The following PIEZO1 variants were observed in gnomAD, a reference collection of about 807,000 sequenced individuals.
PIEZO1 encodes the protein piezo type mechanosensitive ion channel component 1 (Er blood group).
In PIEZO1, 296 loss-of-function variants were observed where a neutral mutation model predicts 297.2. The observed-to-expected ratio is 1.00, with a 90% CI of 0.91 to 1.10. The LOEUF is 1.10. Ranked by LOEUF, PIEZO1 falls within the 50% of genes least tolerant of loss-of-function variation. The pLI is 0.00. For synonymous variants in PIEZO1, 2,427 were observed against 1,507.5 expected, an observed-to-expected ratio of 1.61 and a Z score of -14.13; for missense variants, 5,018 against 3,455.5, an observed-to-expected ratio of 1.45 and a Z score of -11.34.
At chr16:88,762,106 C>T (rs961207541) in intron 1 of PIEZO1, among the ~76,000 whole-genome samples, 1 of 152,288 alleles carries the variant, frequency 6.6e-6, no homozygotes, top group South Asian at 2.1e-4. Flanking sequence ...GACGCAGGTC[C>T]CGGAATGTCT....
intron 2 of PIEZO1, among the ~76,000 whole-genome samples, chr16:88,745,905 C>T (rs1469349808): frequency 1.3e-5 from 2 of 152,196 alleles, no homozygotes; most frequent in Non-Finnish European, 2.9e-5. Context: ...GACCCCGGCA[C>T]GGCCTGCAAA....
At position 88,733,605 on chromosome 16, in the gene PIEZO1, A is replaced by G; in HGVS notation, c.2470T>C (p.Trp824Arg). The change falls in exon 18 of 51, where the codon TGG becomes CGG. Residue 824 changes from tryptophan (W) to arginine (R), a missense_variant. Physicochemically the swap from Trp to Arg is moderately radical, Grantham distance 101. Transcript: ENST00000301015. ...ACACTCACCTCCTTCAGGGCCACCC[A>G]GACGGTGTACAGGGCCACCAGCTTG... Reference protein sequence around the residue: ...VFKLVALYTVWVALKEVSVMN... With the variant: ...VFKLVALYTVRVALKEVSVMN... 1.3e-6 allele frequency: 2 copies of G among 1,547,140 alleles called. No individual in the cohort carries two copies. The highest frequency in any genetic ancestry group is 1.7e-6 in the Non-Finnish European group (2 of 1,144,784).
chr16:88,762,248 G>C (rs1222711035), intron 1 of PIEZO1, among the ~76,000 whole-genome samples: 1 of 151,678 alleles, frequency 6.6e-6, no homozygotes, highest in African/African-American at 2.4e-5. Flanking sequence ...CCCAGCTGAA[G>C]AAAGGGCCCC....
At position 88,720,056 on chromosome 16, in the gene PIEZO1, C is replaced by G. The variant is rs750436228; in HGVS notation, c.6164+13G>C. 3 of 1,550,094 alleles carry G rather than the reference C, an allele frequency of 1.9e-6. No homozygotes were observed. Among genetic ancestry groups the G allele is most frequent in the South Asian group, 2.4e-5 (2 of 84,054 alleles). On this transcript the variant is annotated intron_variant, in intron 42 of 50. Coordinates refer to ENST00000301015, the MANE Select transcript of PIEZO1 (RefSeq NM_001142864.4). ...CGCCCCTGGAGACCGAGCGCCCCCA[C>G]GCGTGGGCCCACCTCTCAGTGACGG...
rs558173397 is a variant in PIEZO1 at position 88,720,607 on chromosome 16, A to G, written c.5801+9T>C. On this transcript the variant is annotated intron_variant, in intron 40 of 50. Transcript: ENST00000301015. Reference sequence around the variant, plus strand: ...CACTCCCCAGCTGCCCCCGGCCGCCATCACTCACAGGGACAGGCAGAAGCC... The same window carrying G: ...CACTCCCCAGCTGCCCCCGGCCGCCGTCACTCACAGGGACAGGCAGAAGCC... The G allele has an allele frequency of 1.3e-5, 16 of 1,259,836 alleles. No homozygotes were observed. In the Admixed American group the frequency reaches 2.7e-4, roughly 21 times the overall value. The allele number at this position is 1,259,836 out of a possible 1,614,324, so 78.0% of individuals were successfully genotyped here.
intron 44 of PIEZO1, 138 bp downstream of exon 44, chr16:88,719,436 G>C (rs1449484368): frequency 1.3e-6 from 1 of 740,922 alleles, no homozygotes; most frequent in Admixed American, 2.7e-5. Flanking sequence ...TAGTGGGTGG[G>C]CTCGCCTCAT....
Position 88,716,030 on chromosome 16 carries a change from C to G in PIEZO1, c.7219G>C (p.Glu2407Gln), listed in dbSNP as rs200291894. The change falls in exon 50 of 51, where the codon GAG becomes CAG. Residue 2407 changes from glutamate (E) to glutamine (Q), a missense_variant. By Grantham distance (29) the Glu-to-Gln change is conservative (BLOSUM62 2). Coordinates refer to ENST00000301015, the MANE Select transcript of PIEZO1 (RefSeq NM_001142864.4). The stretch of plus-strand genomic sequence containing the variant: ...CAGTCGGTCCGGCACTCCTGCAGCT[C>G]GATGACCCACCATTCGAGGAAGCCG... The part of the protein sequence containing the change: ...ATGFLEWWVI[E>Q]LQECRTDCNL... 308 of 1,550,220 alleles carry G rather than the reference C, an allele frequency of 2.0e-4. No individual in the cohort carries two copies. Among genetic ancestry groups the G allele is most frequent in the Middle Eastern group, 1.3e-3 (8 of 5,990 alleles).
intron 22 of PIEZO1, among the ~76,000 whole-genome samples, chr16:88,730,753 C>T (rs927939432): frequency 3.9e-5 from 6 of 152,242 alleles, no homozygotes; most frequent in Admixed American, 3.9e-4. Context: ...GATGATGTAA[C>T]AGTGTGTGGC....
At chr16:88,776,170 C>T (rs992144537) in intron 1 of PIEZO1, among the ~76,000 whole-genome samples, 1 of 152,252 alleles carries the variant, frequency 6.6e-6, no homozygotes, top group Non-Finnish European at 1.5e-5. Context: ...CGCGGTGGCT[C>T]ACGCCTGTCA....
At chr16:88,750,231 G>A (rs1270710390) in intron 1 of PIEZO1, among the ~76,000 whole-genome samples, 3 of 152,058 alleles carry the variant, frequency 2.0e-5, no homozygotes, top group African/African-American at 7.2e-5. Flanking sequence ...AGCTACTCAG[G>A]AGGCTGAGGC....
intron 1 of PIEZO1, among the ~76,000 whole-genome samples, chr16:88,762,739 G>A (rs576630482): frequency 6.6e-6 from 1 of 152,330 alleles, no homozygotes; most frequent in East Asian, 1.9e-4. Context: ...GGAAACTGAG[G>A]CACGGTGGGC....
rs1291746443 is a variant in PIEZO1, at chr16:88,734,031, G to T, written c.2204C>A (p.Pro735Gln). 1 of 1,540,144 alleles carries T rather than the reference G, an allele frequency of 6.5e-7. No homozygotes were observed. Among genetic ancestry groups the T allele is most frequent in the Non-Finnish European group, 8.8e-7 (1 of 1,140,668 alleles). ...AHRQDAVSGT[P>Q]LLREEQQEHQ... The stretch of plus-strand genomic sequence containing the variant: ...CTCCTGCTGCTCCTCCCGCAGCAGT[G>T]GGGTCCCACTCACTGCATCCTGCCT... Residue 735 changes from proline to glutamine, a missense_variant, in exon 17 of 51, where the codon CCA (proline) becomes CAA (glutamine). By Grantham distance (76) the Pro-to-Gln change is moderately conservative. Transcript: ENST00000301015.
intron 44 of PIEZO1, 75 bp downstream of exon 44, chr16:88,719,499 G>A: frequency 1.4e-6 from 2 of 1,403,916 alleles, no homozygotes; most frequent in Non-Finnish European, 2.0e-6. Context: ...GGGTTCTCGT[G>A]GCAGCAGTGC....
At chr16:88,771,233 C>T (rs537671834) in intron 1 of PIEZO1, among the ~76,000 whole-genome samples, 236 of 152,254 alleles carry the variant, frequency 1.6e-3, no homozygotes, top group Non-Finnish European at 2.8e-3. Flanking sequence ...AGTGACCCCC[C>T]CTTGGGAGGT....
chr16:88,756,232 C>G (rs993312097), intron 1 of PIEZO1, among the ~76,000 whole-genome samples: 5 of 152,192 alleles, frequency 3.3e-5, no homozygotes, highest in Non-Finnish European at 5.9e-5. Flanking sequence ...ACACCCAGCC[C>G]GATGTCCACC....
chr16:88,752,710 C>T (rs1906451139), intron 1 of PIEZO1, among the ~76,000 whole-genome samples: 1 of 152,060 alleles, frequency 6.6e-6, no homozygotes, highest in South Asian at 2.1e-4. Context: ...GCAGAGTGGA[C>T]TCAAAGGCAG....
At chr16:88,748,919 C>A (rs370287266) in intron 2 of PIEZO1, among the ~76,000 whole-genome samples, 50 of 114,062 alleles carry the variant, frequency 4.4e-4, no homozygotes, top group East Asian at 2.4e-3. Flanking sequence ...GGAGATAGAG[C>A]GAGACTCGGT....
chr16:88,776,828 T>C (rs1375026020), intron 1 of PIEZO1, among the ~76,000 whole-genome samples: 1 of 152,162 alleles, frequency 6.6e-6, no homozygotes, highest in African/African-American at 2.4e-5. Context: ...TCCTCATGTG[T>C]GCAACAGGGC....
Position 88,715,521 on chromosome 16 carries a change from T to C in PIEZO1, c.*84A>G. ...TGGCGGCCTTGGACGGGGCAGTGGC[T>C]CCCCCGGCCTGAGGAGTGCCGCCCC... On this transcript the variant is annotated 3_prime_UTR_variant, in exon 51 of 51. Transcript: ENST00000301015. 1.5e-6 allele frequency: 2 copies of C among 1,370,676 alleles called. No individual in the cohort carries two copies. Among genetic ancestry groups the C allele is most frequent in the Non-Finnish European group, 2.0e-6 (2 of 1,008,588 alleles). The allele number at this position is 1,370,676 out of a possible 1,614,324, so 84.9% of individuals were successfully genotyped here.
Sources: gnomAD v4.1 joint callset for allele counts (sites outside exome capture counted in the v4.1 genomes callset) on GRCh38, gnomAD v4.1.1 for gene constraint, MANE v1.5 for transcripts, NCBI Gene and HGNC (gene_info 2026-07-23, HGNC 2026-07-21) for gene names.